Variants in MARCHF8 observed in about 807,000 individuals in gnomAD.
MARCHF8 encodes the protein E3 ubiquitin-protein ligase MARCHF8.
Under a neutral mutation model 51.6 loss-of-function variants are expected in MARCHF8, and 40 were observed. That is an observed-to-expected ratio of 0.77 (90% CI 0.60 to 1.01). MARCHF8 has a LOEUF of 1.01. Ranked by LOEUF, MARCHF8 falls within the 50% of genes least tolerant of loss-of-function variation. The pLI is 0.00. For missense variants in MARCHF8, 685 were observed against 708.6 expected (o/e 0.97, Z 0.38); for synonymous variants, 263 against 280.3 (o/e 0.94, Z 0.62).
At chr10:45,480,591 T>C (rs1012251860) in intron 3 of MARCHF8, among the ~76,000 whole-genome samples, 1 of 152,076 alleles carries the variant, frequency 6.6e-6, no homozygotes, top group African/African-American at 2.4e-5. Flanking sequence ...GCAGCCAGGG[T>C]ATAGTTCAGG....
At chr10:45,581,902 A>G (rs1020483305) in intron 1 of MARCHF8, among the ~76,000 whole-genome samples, 3 of 152,024 alleles carry the variant, frequency 2.0e-5, no homozygotes, top group Non-Finnish European at 4.4e-5. Context: ...TAAAGGAGTA[A>G]CATTTTCAAA....
intron 2 of MARCHF8, among the ~76,000 whole-genome samples, chr10:45,506,385 A>G (rs1254798081): frequency 6.6e-6 from 1 of 152,232 alleles, no homozygotes; most frequent in Non-Finnish European, 1.5e-5. Context: ...AGGTTTACTG[A>G]TTGAATAAAC....
chr10:45,504,358 C>T (rs1301383624), intron 2 of MARCHF8, among the ~76,000 whole-genome samples: 2 of 152,214 alleles, frequency 1.3e-5, no homozygotes, highest in Non-Finnish European at 2.9e-5. Flanking sequence ...ACAGGAGAAT[C>T]GCTTGAACCT....
At position 45,456,780 on chromosome 10, in the gene MARCHF8, A is replaced by T. The variant is rs1272486572; in HGVS notation, c.*1459T>A. The stretch of plus-strand genomic sequence containing the variant: ...GGAAAACTAGGAAACTGGGTTTTAA[A>T]AACAGAATTTTAAGCAGACTTTTTA... On this transcript the variant is annotated 3_prime_UTR_variant, in exon 8 of 8. Coordinates refer to ENST00000453424, the MANE Select transcript of MARCHF8 (RefSeq NM_001282866.2). 1 of 152,258 alleles carries T rather than the reference A, an allele frequency of 6.6e-6. No individual in the cohort carries two copies. Among genetic ancestry groups the T allele is most frequent in the Non-Finnish European group, 1.5e-5 (1 of 68,058 alleles). 9.4% of individuals were successfully genotyped at this position (152,258 alleles called of 1,614,324 possible).
In MARCHF8 at chr10:45,461,230, C is replaced by G; in HGVS notation, c.1269+1G>C. 1 of 1,513,926 alleles carries G rather than the reference C, an allele frequency of 6.6e-7. No homozygotes were observed. Among genetic ancestry groups the G allele is most frequent in the Non-Finnish European group, 8.9e-7 (1 of 1,127,036 alleles). The allele number at this position is 1,513,926 out of a possible 1,614,324, so 93.8% of individuals were successfully genotyped here. ...GTGAAGCATCCCTTCCTCCCACGTA[C>G]TTTTCTCAGTGGCTTCAGCTTGGTC... On this transcript the variant is annotated splice_donor_variant, in intron 6 of 7. Transcript: ENST00000453424. LOFTEE classifies it high-confidence loss of function.
chr10:45,532,282 G>A (rs1242362527), intron 2 of MARCHF8, among the ~76,000 whole-genome samples: 1 of 152,196 alleles, frequency 6.6e-6, no homozygotes, highest in Non-Finnish European at 1.5e-5. Flanking sequence ...CCTGCAGTGA[G>A]GGTGTATATC....
intron 1 of MARCHF8, among the ~76,000 whole-genome samples, chr10:45,546,852 T>C (rs2044129730): frequency 6.6e-6 from 1 of 151,352 alleles, no homozygotes; most frequent in Non-Finnish European, 1.5e-5. Flanking sequence ...TCATAAGACA[T>C]ACAAACATAT....
chr10:45,464,381 G>A, intron 3 of MARCHF8, 54 bp from the exon 4 acceptor site: 1 of 1,463,690 alleles, frequency 6.8e-7, no homozygotes, highest in South Asian at 1.1e-5. Flanking sequence ...GGGATTGTGT[G>A]CACTGTCTCC....
intron 1 of MARCHF8, among the ~76,000 whole-genome samples, chr10:45,586,846 C>A (rs1255066256): frequency 2.6e-5 from 4 of 151,928 alleles, no homozygotes; most frequent in African/African-American, 7.3e-5. Context: ...TTTATATATG[C>A]TGGATAAAAG....
intron 1 of MARCHF8, among the ~76,000 whole-genome samples, chr10:45,559,732 A>G (rs2133362051): frequency 6.6e-6 from 1 of 152,324 alleles, no homozygotes; most frequent in Non-Finnish European, 1.5e-5. Context: ...CCATAAAAAA[A>G]ATTCCAAGTG....
At chr10:45,497,532 T>A (rs2043195642) in intron 2 of MARCHF8, among the ~76,000 whole-genome samples, 1 of 151,940 alleles carries the variant, frequency 6.6e-6, no homozygotes, top group Non-Finnish European at 1.5e-5. Flanking sequence ...AAAACAAACA[T>A]CAGTAAATGT....
At chr10:45,542,486 G>A (rs78874873) in intron 1 of MARCHF8, among the ~76,000 whole-genome samples, 12 of 151,622 alleles carry the variant, frequency 7.9e-5, no homozygotes, top group East Asian at 7.7e-4. Flanking sequence ...CAGAAATAGC[G>A]CATTTGAGTA....
intron 1 of MARCHF8, among the ~76,000 whole-genome samples, chr10:45,555,743 CA>C (rs34811393): frequency 3.4e-3 from 331 of 96,052 alleles, no homozygotes; most frequent in African/African-American, 5.2e-3. Context: ...GACCCTGTCT[CA>C]AAAAAAAAAA....
Position 45,457,217 on chromosome 10 carries a change from G to A in MARCHF8, c.*1022C>T, listed in dbSNP as rs1842631622. On this transcript the variant is annotated 3_prime_UTR_variant, in exon 8 of 8. Coordinates refer to ENST00000453424, the MANE Select transcript of MARCHF8 (RefSeq NM_001282866.2). ...CCAACTGGAGAGATTTAACTATAAA[G>A]GAATATTTTTTAAATATTCAGTTTT... The A allele has an allele frequency of 6.6e-6, 1 of 151,672 alleles. No individual in the cohort carries two copies. The highest frequency in any genetic ancestry group is 2.4e-5 in the African/African-American group (1 of 41,224). 9.4% of individuals were successfully genotyped at this position (151,672 alleles called of 1,614,324 possible).
chr10:45,519,706 G>A (rs184061748), intron 2 of MARCHF8, among the ~76,000 whole-genome samples: 30 of 152,140 alleles, frequency 2.0e-4, no homozygotes, highest in African/African-American at 7.2e-4. Context: ...TTTTTAGCTG[G>A]CAAGTCATAA....
At chr10:45,521,554 G>GAGCA (rs2043706407) in intron 2 of MARCHF8, among the ~76,000 whole-genome samples, 1 of 152,170 alleles carries the variant, frequency 6.6e-6, no homozygotes, top group Admixed American at 6.5e-5. Context: ...TGGAAAGTCT[G>GAGCA]CCTGTGCCTC....
intron 1 of MARCHF8, among the ~76,000 whole-genome samples, chr10:45,575,570 C>G (rs2044479787): frequency 6.6e-6 from 1 of 152,182 alleles, no homozygotes; most frequent in African/African-American, 2.4e-5. Context: ...CTCTAGGTTC[C>G]CATGCCGCTC....
intron 2 of MARCHF8, among the ~76,000 whole-genome samples, chr10:45,515,515 T>G (rs2043603258): frequency 6.6e-6 from 1 of 152,212 alleles, no homozygotes; most frequent in African/African-American, 2.4e-5. Context: ...TTTCACCTAT[T>G]TTATCACTTC....
intron 1 of MARCHF8, among the ~76,000 whole-genome samples, chr10:45,576,961 C>T (rs1364921297): frequency 1.5e-5 from 1 of 68,858 alleles, no homozygotes; most frequent in Non-Finnish European, 3.0e-5. Context: ...TGTCTCTAAA[C>T]AAAAAGAGAA....
Sources: allele counts gnomAD v4.1 joint callset (sites outside exome capture counted in the v4.1 genomes callset), GRCh38; gene constraint gnomAD v4.1.1; transcripts MANE v1.5; gene names NCBI Gene and HGNC (gene_info 2026-07-23, HGNC 2026-07-21).